Variants in FIRRM observed in about 807,000 individuals in gnomAD.
FIRRM encodes FIGNL1 interacting regulator of recombination and mitosis, also known as FIGNL1-interacting regulator of recombination and mitosis.
the FIRRM span, among the ~76,000 whole-genome samples, chr1:169,816,277 T>C: frequency 6.6e-6 from 1 of 152,172 alleles, no homozygotes; most frequent in Non-Finnish European, 1.5e-5. Flanking sequence ...ATTTTCACAT[T>C]ACCATCTCTC....
chr1:169,824,029 G>C, the FIRRM span, among the ~76,000 whole-genome samples: 1 of 152,148 alleles, frequency 6.6e-6, no homozygotes, highest in Non-Finnish European at 1.5e-5. Flanking sequence ...CAGCAGTCCT[G>C]TTGCAGCTTC....
At chr1:169,848,439 GAGACTATA>G in the FIRRM span, among the ~76,000 whole-genome samples, 1 of 152,178 alleles carries the variant, frequency 6.6e-6, no homozygotes, top group African/African-American at 2.4e-5. Flanking sequence ...CTCCAAGGGA[GAGACTATA>G]AAGAGTTCAC....
chr1:169,791,617 T>C, the FIRRM span, among the ~76,000 whole-genome samples: 1 of 152,364 alleles, frequency 6.6e-6, no homozygotes, highest in South Asian at 2.1e-4. Context: ...TCTTCTGCCC[T>C]GTATACAGTA....
chr1:169,827,213 T>C, the FIRRM span: 32 of 1,604,810 alleles, frequency 2.0e-5, no homozygotes, highest in South Asian at 3.3e-5. Flanking sequence ...AGCTTCAAAA[T>C]AGATTTAATG....
At chr1:169,841,993 T>C in the FIRRM span, among the ~76,000 whole-genome samples, 1 of 151,390 alleles carries the variant, frequency 6.6e-6, no homozygotes, top group Non-Finnish European at 1.5e-5. Context: ...CTGGCCAACA[T>C]GGTGAAAACT....
At chr1:169,829,275 C>G in the FIRRM span, 3 of 1,578,984 alleles carry the variant, frequency 1.9e-6, no homozygotes, top group Non-Finnish European at 2.6e-6. Context: ...TATCTCTACT[C>G]AAAGCCGTTT....
At chr1:169,790,112 T>C in the FIRRM span, among the ~76,000 whole-genome samples, 1 of 152,178 alleles carries the variant, frequency 6.6e-6, no homozygotes, top group Admixed American at 6.5e-5. Context: ...CAAGTCCCTT[T>C]TGCTGCCAGC....
chr1:169,824,664 C>T, the FIRRM span, among the ~76,000 whole-genome samples: 1 of 152,226 alleles, frequency 6.6e-6, no homozygotes, highest in East Asian at 1.9e-4. Flanking sequence ...TATAGTCCTT[C>T]TGTAACCTGT....
chr1:169,824,908 G>C, the FIRRM span, among the ~76,000 whole-genome samples: 1 of 152,124 alleles, frequency 6.6e-6, no homozygotes, highest in East Asian at 1.9e-4. Flanking sequence ...TACTAGTCAG[G>C]ACATCTATAC....
chr1:169,789,522 A>C, the FIRRM span, among the ~76,000 whole-genome samples: 3 of 152,236 alleles, frequency 2.0e-5, no homozygotes, highest in Admixed American at 2.0e-4. Context: ...TGGAACTTAG[A>C]GGACAGGCAC....
the FIRRM span, among the ~76,000 whole-genome samples, chr1:169,848,986 A>G: frequency 6.6e-6 from 1 of 152,250 alleles, no homozygotes; most frequent in African/African-American, 2.4e-5. Context: ...CAATGCAGTA[A>G]TGAACCAAAC....
chr1:169,851,549 T>A, the FIRRM span: 1 of 432,824 alleles, frequency 2.3e-6, no homozygotes, highest in Non-Finnish European at 4.1e-6. Flanking sequence ...TACACTGCTG[T>A]TGCCAGTTTC....
At chr1:169,840,239 G>GT in the FIRRM span, among the ~76,000 whole-genome samples, 4 of 152,224 alleles carry the variant, frequency 2.6e-5, no homozygotes, top group South Asian at 8.3e-4. Context: ...TTTTAGAATA[G>GT]TTTCTTCTAA....
chr1:169,804,582 T>C, the FIRRM span, among the ~76,000 whole-genome samples: 11 of 152,356 alleles, frequency 7.2e-5, no homozygotes, highest in African/African-American at 2.4e-4. Context: ...AGAATACATA[T>C]AAATACGTGC....
chr1:169,842,677 A>G, the FIRRM span: 1 of 943,062 alleles, frequency 1.1e-6, no homozygotes, highest in South Asian at 1.8e-5. Context: ...AAGAACTTAA[A>G]GTACCTGTAC....
At chr1:169,826,103 G>A in the FIRRM span, 17 of 328,624 alleles carry the variant, frequency 5.2e-5, 1 homozygote, top group South Asian at 4.0e-4. Flanking sequence ...ATGGAGTTTC[G>A]CTCTTGCTGT....
At chr1:169,844,409 A>T in the FIRRM span, among the ~76,000 whole-genome samples, 1 of 152,228 alleles carries the variant, frequency 6.6e-6, no homozygotes, top group Non-Finnish European at 1.5e-5. Context: ...TGATGCCCCA[A>T]ATTAAGAGTT....
At chr1:169,817,647 A>T in the FIRRM span, among the ~76,000 whole-genome samples, 1 of 152,170 alleles carries the variant, frequency 6.6e-6, no homozygotes, top group Non-Finnish European at 1.5e-5. Flanking sequence ...TGTTAACCCC[A>T]ATTCTTAATA....
chr1:169,853,224 A>G, the FIRRM span: 55 of 530,068 alleles, frequency 1.0e-4, no homozygotes, highest in East Asian at 1.7e-3. Flanking sequence ...ATTTACTCAG[A>G]TAGTCTAACT....
Sources: gnomAD v4.1 joint callset for allele counts (sites outside exome capture counted in the v4.1 genomes callset) on GRCh38, gnomAD v4.1.1 for gene constraint, MANE v1.5 for transcripts, NCBI Gene and HGNC (gene_info 2026-07-23, HGNC 2026-07-21) for gene names.